PLEKHG3: variants seen among roughly 807,000 people sequenced by gnomAD.
PLEKHG3 encodes the protein pleckstrin homology domain-containing family G member 3.
In PLEKHG3, 62 loss-of-function variants were observed where a neutral mutation model predicts 94.9. That is an observed-to-expected ratio of 0.65 (90% CI 0.53 to 0.81). PLEKHG3 has a LOEUF of 0.81. PLEKHG3 is among the 30% of genes least tolerant of loss of function. The probability of loss-of-function intolerance (pLI) is 0.00; values close to 1 mark genes in which losing one functional copy is unlikely to be tolerated. For synonymous variants in PLEKHG3, 614 were observed against 654.0 expected, an observed-to-expected ratio of 0.94 and a Z score of 0.93; for missense variants, 1,461 against 1,619.3, an observed-to-expected ratio of 0.90 and a Z score of 1.68.
chr14:64,737,455 T>C, intron 14 of PLEKHG3, 80 bp downstream of exon 14: 1 of 909,124 alleles, frequency 1.1e-6, no homozygotes, highest in Non-Finnish European at 1.7e-6. Context: ...CCTTCAGCCC[T>C]CATTGTCTTC....
In PLEKHG3 at chr14:64,736,892, G is replaced by A; in HGVS notation, c.1384+1G>A. The A allele has an allele frequency of 3.1e-6, 5 of 1,611,492 alleles. No homozygotes were observed. The highest frequency in any genetic ancestry group is 1.7e-4 in the Middle Eastern group (1 of 6,056). ...CTGCTCAGGCAACTCAACGAGAAAG[G>A]TGAGTGTGTGAGGTGGCCAGCCATT... On this transcript the variant is annotated splice_donor_variant, in intron 13 of 16. Transcript: ENST00000247226. LOFTEE classifies it high-confidence loss of function.
Position 64,727,383 on chromosome 14 carries a change from T to A in PLEKHG3, c.-39-210T>A, listed in dbSNP as rs2081372013. On this transcript the variant is annotated intron_variant, in intron 1 of 16. Transcript: ENST00000247226. The surrounding 1 kb of genome is among the most constrained non-coding windows in gnomAD (Gnocchi z 6.0). ...AATTTACCATCTTCACCATTTTAAG[T>A]GTACAGTTCAGTGACAGTAGGTACA... Among the ~76,000 whole-genome samples the A allele has an allele frequency of 1.3e-5, 2 of 152,230 alleles. No individual in the cohort carries two copies. Among genetic ancestry groups the A allele is most frequent in the South Asian group, 4.1e-4 (2 of 4,836 alleles).
Position 64,727,713 on chromosome 14 carries a change from T to A in PLEKHG3, c.82T>A (p.Ser28Thr), listed in dbSNP as rs141527265. 7.9e-5 allele frequency: 128 copies of A among 1,612,036 alleles called. No individual in the cohort carries two copies. The African/African-American group carries it at 1.5e-3, about 19-fold the overall frequency. ...GACCTCTACCACCTCCTCGTCGGGC[T>A]CCTCCTGTGACAGTCGCAGTGCCAT... ...SLTSTTSSSGSSCDSRSAMEE... is the reference protein window; with the variant it reads ...SLTSTTSSSGTSCDSRSAMEE... Residue 28 changes from serine (S) to threonine (T), a missense_variant, in exon 2 of 17, where the codon TCC becomes ACC. Ser to Thr is a moderately conservative substitution (Grantham distance 58, BLOSUM62 1). Around this residue, in one of 3 missense-constraint regions of PLEKHG3, gnomAD observed 253 missense variants for 297.8 expected, o/e 0.85. Transcript: ENST00000247226. The surrounding 1 kb of genome is among the most constrained non-coding windows in gnomAD (Gnocchi z 6.0).
rs899369847 is a variant in PLEKHG3, at chr14:64,745,731, T to C, written c.*2028T>C. Reference sequence around the variant, plus strand: ...AGAGGTTGTCACTAGCCTCTGATCTTCCCTTGAAGAACCCGACTGGGGCTC... The same window carrying C: ...AGAGGTTGTCACTAGCCTCTGATCTCCCCTTGAAGAACCCGACTGGGGCTC... On this transcript the variant is annotated 3_prime_UTR_variant, in exon 17 of 17. Transcript: ENST00000247226. This position sits in a 1 kb window ranked among gnomAD's most constrained non-coding sequence, Gnocchi z 5.0. 5.9e-5 allele frequency: 9 copies of C among 152,366 alleles called. No individual in the cohort carries two copies. Among genetic ancestry groups the C allele is most frequent in the African/African-American group, 1.9e-4 (8 of 41,572 alleles). The allele number at this position is 152,366 out of a possible 1,614,324, so 9.4% of individuals were successfully genotyped here.
intron 14 of PLEKHG3, chr14:64,737,859 C>T: frequency 8.4e-7 from 1 of 1,189,688 alleles, no homozygotes; most frequent in South Asian, 1.5e-5. Context: ...GTGCTCTGAA[C>T]AGCATGCAGG....
At chr14:64,742,573 C>G (rs1464186982) in intron 16 of PLEKHG3, 118 bp downstream of exon 16, 12 of 750,312 alleles carry the variant, frequency 1.6e-5, no homozygotes, top group Admixed American at 2.9e-5. Flanking sequence ...AAGGGAGAAG[C>G]TGGACCCTGG....
chr14:64,704,969 G>C lies in PLEKHG3; in HGVS notation c.-40+265G>C, dbSNP rs1466215723. Among the ~76,000 whole-genome samples, 1 of 152,202 alleles carries C rather than the reference G, an allele frequency of 6.6e-6. No individual in the cohort carries two copies. The highest frequency in any genetic ancestry group is 1.5e-5 in the Non-Finnish European group (1 of 68,036). On this transcript the variant is annotated intron_variant, in intron 1 of 16. Coordinates refer to ENST00000247226, the MANE Select transcript of PLEKHG3 (RefSeq NM_001308147.2). The surrounding 1 kb of genome is among the most constrained non-coding windows in gnomAD (Gnocchi z 5.6). ...TCCCTCCACTCCGGAAACAAAAGGG[G>C]CAAATGCGCCGGGCGGCTCCAGAGA...
In PLEKHG3 at chr14:64,741,690, G is replaced by A; in HGVS notation, c.2173G>A (p.Glu725Lys). ...GCTAGACAAGATTAAGAGCTATTAT[G>A]AAAATGCAGAACACCATGATGCAGG... Reference protein sequence around the residue: ...LLLDKIKSYYENAEHHDAGFS... With the variant: ...LLLDKIKSYYKNAEHHDAGFS... The change falls in exon 16 of 17, where the codon GAA becomes AAA. Residue 725 changes from glutamate (E) to lysine (K), a missense_variant. This residue lies in a region of PLEKHG3 where 1,201 missense variants were observed against 1,295.5 expected (regional missense o/e 0.93). Transcript: ENST00000247226. 6.2e-7 allele frequency: 1 copy of A among 1,613,056 alleles called. No homozygotes were observed. The highest frequency in any genetic ancestry group is 2.2e-5 in the East Asian group (1 of 44,886).
In PLEKHG3 at chr14:64,716,491, CACACA is replaced by C. The variant is rs1434556616; in HGVS notation, c.-39-11096_-39-11092del. Among the ~76,000 whole-genome samples the C allele has an allele frequency of 2.3e-3, 219 of 95,060 alleles. No individual in the cohort carries two copies. Among genetic ancestry groups the C allele is most frequent in the East Asian group, 5.2e-3 (10 of 1,924 alleles). 62.4% of individuals were successfully genotyped at this position (95,060 alleles called of 152,430 possible). On this transcript the variant is annotated intron_variant, in intron 1 of 16. Transcript: ENST00000247226. The surrounding 1 kb of genome is among the most constrained non-coding windows in gnomAD (Gnocchi z 5.0). ...AACACACACACACACAACACACACA[CACACA>C]ACACACACACACACACACACACACA...
rs145799722 is a variant in PLEKHG3, at chr14:64,743,107, G to A, written c.3064G>A (p.Val1022Ile). 22 of 1,612,792 alleles carry A rather than the reference G, an allele frequency of 1.4e-5. No individual in the cohort carries two copies. The South Asian group carries it at 2.2e-4, about 16-fold the overall frequency. The change falls in exon 17 of 17, where the codon GTC becomes ATC. Residue 1022 changes from valine (V) to isoleucine (I), a missense_variant. Val to Ile is a conservative substitution (Grantham distance 29, BLOSUM62 3). Coordinates refer to ENST00000247226, the MANE Select transcript of PLEKHG3 (RefSeq NM_001308147.2). The surrounding 1 kb of genome is among the most constrained non-coding windows in gnomAD (Gnocchi z 7.2). ...GCGTTTCTTCTTCAACCCGTCTGCT[G>A]TCAGCCAGAGGACCACCTCGCCTGG... ...PQRFFFNPSA[V>I]SQRTTSPGGR...
rs559443616 is a variant in PLEKHG3, at chr14:64,743,286, G to C, written c.3243G>C (p.Ser1081=). The C allele has an allele frequency of 2.1e-4, 340 of 1,607,772 alleles. 13 individuals carry two copies. The South Asian group carries it at 3.6e-3, about 17-fold the overall frequency. ...GCCCACCCGTCAACAGGAGCCACTC[G>C]GTGCCGGAGAACATGGTAGAGCCAC... The part of the protein sequence containing the change: ...PRGPPVNRSH[S]VPENMVEPPL... Residue 1081 remains serine (S), a synonymous_variant, in exon 17 of 17, where the codon TCG becomes TCC. Coordinates refer to ENST00000247226, the MANE Select transcript of PLEKHG3 (RefSeq NM_001308147.2). This position sits in a 1 kb window ranked among gnomAD's most constrained non-coding sequence, Gnocchi z 7.2.
At position 64,749,779 on chromosome 14, in the gene PLEKHG3, C is replaced by A. The variant is rs2081915519; in HGVS notation, c.*6076C>A. ...AGGGCTGGCTCTGATCCCACAATACCCTGAGCCGAACATCCAGACCCCTCT... is the reference window on the plus strand; with the variant it reads ...AGGGCTGGCTCTGATCCCACAATACACTGAGCCGAACATCCAGACCCCTCT... On this transcript the variant is annotated 3_prime_UTR_variant, in exon 17 of 17. Transcript: ENST00000247226. This position sits in a 1 kb window ranked among gnomAD's most constrained non-coding sequence, Gnocchi z 4.7. The A allele has an allele frequency of 1.3e-6, 2 of 1,559,246 alleles. No homozygotes were observed. Among genetic ancestry groups the A allele is most frequent in the East Asian group, 2.3e-5 (1 of 42,770 alleles).
rs1358059935 is a variant in PLEKHG3 at position 64,704,640 on chromosome 14, G to T, written c.-104G>T. The T allele has an allele frequency of 1.3e-5, 2 of 152,664 alleles. No homozygotes were observed. The highest frequency in any genetic ancestry group is 4.8e-5 in the African/African-American group (2 of 41,466). The allele number at this position is 152,664 out of a possible 1,614,324, so 9.5% of individuals were successfully genotyped here. On this transcript the variant is annotated 5_prime_UTR_variant, in exon 1 of 17. Transcript: ENST00000247226. This position sits in a 1 kb window ranked among gnomAD's most constrained non-coding sequence, Gnocchi z 5.6. Reference sequence around the variant, plus strand: ...CGACTTTCAAACTCGCGCCCGCGTCGCGGCAGCACCTGGGCAGCCCCGCAC... The same window carrying T: ...CGACTTTCAAACTCGCGCCCGCGTCTCGGCAGCACCTGGGCAGCCCCGCAC...
chr14:64,726,777 G>T lies in PLEKHG3; in HGVS notation c.-39-816G>T, dbSNP rs2139378214. The stretch of plus-strand genomic sequence containing the variant: ...CAGAGGCAGCCTGTACCAGGTGCTG[G>T]GGTGGGGCTGCGGAGTCGGGGGATA... On this transcript the variant is annotated intron_variant, in intron 1 of 16. Transcript: ENST00000247226. The surrounding 1 kb of genome is among the most constrained non-coding windows in gnomAD (Gnocchi z 5.1). Among the ~76,000 whole-genome samples the T allele has an allele frequency of 6.6e-6, 1 of 152,330 alleles. No homozygotes were observed. The highest frequency in any genetic ancestry group is 1.9e-4 in the East Asian group (1 of 5,186).
chr14:64,742,898 A>T, intron 16 of PLEKHG3, 84 bp from the exon 17 acceptor site: 2 of 1,351,238 alleles, frequency 1.5e-6, no homozygotes, highest in Non-Finnish European at 2.1e-6. Flanking sequence ...TTGCCTGGAA[A>T]GTGAGTTGGG....
At chr14:64,709,417 G>A (rs777469326) in intron 1 of PLEKHG3, among the ~76,000 whole-genome samples, 53 of 152,198 alleles carry the variant, frequency 3.5e-4, no homozygotes, top group African/African-American at 1.2e-3. Flanking sequence ...GGAGCCCTAC[G>A]TAAGCTCAAG....
At chr14:64,711,408 CTTTT>C (rs779751938) in intron 1 of PLEKHG3, among the ~76,000 whole-genome samples, 3 of 149,514 alleles carry the variant, frequency 2.0e-5, no homozygotes, top group African/African-American at 2.5e-5. Context: ...AACAAGAATG[CTTTT>C]TTTTTGTTTT....
Position 64,748,933 on chromosome 14 carries a change from GCT to G in PLEKHG3, c.*5233_*5234del, listed in dbSNP as rs34450471. The G allele has an allele frequency of 0.036, 6,349 of 177,766 alleles. 165 individuals carry two copies. Among genetic ancestry groups the G allele is most frequent in the African/African-American group, 0.088 (2,997 of 34,166 alleles). 11.0% of individuals were successfully genotyped at this position (177,766 alleles called of 1,614,324 possible). On this transcript the variant is annotated 3_prime_UTR_variant, in exon 17 of 17. Transcript: ENST00000247226. ...TGAAGAACCCCATCAGCCTTCTCCAGCTCTTTTTTTTTTTTTTTTTTGGTTGG... is the reference window on the plus strand; with the variant it reads ...TGAAGAACCCCATCAGCCTTCTCCAGCTTTTTTTTTTTTTTTTTTGGTTGG...
chr14:64,749,779 CCT>C lies in PLEKHG3; in HGVS notation c.*6077_*6078del, dbSNP rs1379861345. 1.3e-6 allele frequency: 2 copies of C among 1,559,130 alleles called. No homozygotes were observed. Among genetic ancestry groups the C allele is most frequent in the African/African-American group, 1.4e-5 (1 of 73,444 alleles). ...AGGGCTGGCTCTGATCCCACAATAC[CCT>C]GAGCCGAACATCCAGACCCCTCTCA... On this transcript the variant is annotated 3_prime_UTR_variant, in exon 17 of 17. Coordinates refer to ENST00000247226, the MANE Select transcript of PLEKHG3 (RefSeq NM_001308147.2). This position sits in a 1 kb window ranked among gnomAD's most constrained non-coding sequence, Gnocchi z 4.7.
Sources: allele counts gnomAD v4.1 joint callset (sites outside exome capture counted in the v4.1 genomes callset), GRCh38; gene constraint gnomAD v4.1.1; regional missense constraint gnomAD v4.1.1; non-coding constraint Gnocchi (gnomAD v3.1); transcripts MANE v1.5; gene names NCBI Gene and HGNC (gene_info 2026-07-23, HGNC 2026-07-21).